The following MGMT variants were observed in gnomAD, a reference collection of about 807,000 sequenced individuals.
The protein encoded by MGMT is methylated-DNA--protein-cysteine methyltransferase.
In MGMT, 14 loss-of-function variants were observed where a neutral mutation model predicts 15.9. The observed-to-expected ratio is 0.88, with a 90% CI of 0.58 to 1.37. The LOEUF (loss-of-function observed/expected upper bound fraction) is 1.37, where lower values mean the gene tolerates loss of function less well. MGMT is among the 40% of genes most tolerant of loss of function. The probability of loss-of-function intolerance (pLI) is 0.00; values close to 1 mark genes in which losing one functional copy is unlikely to be tolerated. For synonymous variants in MGMT, 130 were observed against 118.2 expected, an observed-to-expected ratio of 1.10 and a Z score of -0.65; for missense variants, 282 against 268.1, an observed-to-expected ratio of 1.05 and a Z score of -0.36.
intron 4 of MGMT, 149 bp downstream of exon 4, chr10:129,759,490 G>T: frequency 1.6e-6 from 2 of 1,239,322 alleles, no homozygotes; most frequent in Admixed American, 2.2e-5. Context: ...CATTATGCCA[G>T]ATGCCTCCAG....
chr10:129,734,291 G>T (rs1848535541), intron 3 of MGMT, among the ~76,000 whole-genome samples: 1 of 138,394 alleles, frequency 7.2e-6, no homozygotes, highest in African/African-American at 2.5e-5. Flanking sequence ...TTGTAAGTTG[G>T]ATTCCTAGGT....
rs57984603 is a variant in MGMT at position 129,560,954 on chromosome 10, A to AGTGTGTGTGTGTGTGT, written c.125+24606_125+24621dup. Among the ~76,000 whole-genome samples, 242 of 133,296 alleles carry AGTGTGTGTGTGTGTGT rather than the reference A, an allele frequency of 1.8e-3. 2 individuals are homozygous for AGTGTGTGTGTGTGTGT. The highest frequency in any genetic ancestry group is 4.6e-3 in the Admixed American group (59 of 12,788). The allele number at this position is 133,296 out of a possible 152,430, so 87.4% of individuals were successfully genotyped here. The stretch of plus-strand genomic sequence containing the variant: ...TCTCCAGCTGAATTCAGTAAAGAGC[A>AGTGTGTGTGTGTGTGT]GTGTGTGTGTGTGTGTGTGTGTGTG... On this transcript the variant is annotated intron_variant, in intron 2 of 4. Transcript: ENST00000651593.
intron 2 of MGMT, among the ~76,000 whole-genome samples, chr10:129,541,564 C>T (rs79583699): frequency 8.7e-4 from 132 of 152,322 alleles, no homozygotes; most frequent in African/African-American, 2.9e-3. Flanking sequence ...CCGTATCACC[C>T]TGGGTCATAC....
At chr10:129,621,212 T>G (rs569189311) in intron 2 of MGMT, among the ~76,000 whole-genome samples, 28 of 152,374 alleles carry the variant, frequency 1.8e-4, no homozygotes, top group Admixed American at 1.6e-3. Context: ...TATTGTTAAC[T>G]TCTCATGATC....
intron 2 of MGMT, among the ~76,000 whole-genome samples, chr10:129,679,072 C>CAA (rs746058016): frequency 0.11 from 12,594 of 117,514 alleles, 792 homozygotes; most frequent in Admixed American, 0.21. Context: ...GACTCCATCT[C>CAA]AAAAAAAAAA....
intron 2 of MGMT, among the ~76,000 whole-genome samples, chr10:129,592,063 C>T (rs986400237): frequency 6.6e-6 from 1 of 152,238 alleles, no homozygotes; most frequent in South Asian, 2.1e-4. Flanking sequence ...TAAAGCACTT[C>T]TGCCATGGAC....
chr10:129,528,842 A>G (rs1260111025), intron 1 of MGMT, among the ~76,000 whole-genome samples: 1 of 152,224 alleles, frequency 6.6e-6, no homozygotes, highest in East Asian at 1.9e-4. Flanking sequence ...TAGAAAAAGT[A>G]TATGAAAACA....
chr10:129,680,844 C>T (rs987023483), intron 2 of MGMT, among the ~76,000 whole-genome samples: 20 of 152,086 alleles, frequency 1.3e-4, no homozygotes, highest in African/African-American at 4.6e-4. Flanking sequence ...GATGTGGGTG[C>T]CGGCCGTGTC....
chr10:129,673,403 C>A (rs1847748541), intron 2 of MGMT, among the ~76,000 whole-genome samples: 1 of 152,214 alleles, frequency 6.6e-6, no homozygotes, highest in Non-Finnish European at 1.5e-5. Context: ...CTGCAACAAG[C>A]AAAATTTTGT....
intron 2 of MGMT, among the ~76,000 whole-genome samples, chr10:129,681,839 T>C (rs1847856688): frequency 6.6e-6 from 1 of 152,170 alleles, no homozygotes; most frequent in South Asian, 2.1e-4. Flanking sequence ...AAATCCCATA[T>C]CTGACAGAGG....
intron 3 of MGMT, among the ~76,000 whole-genome samples, chr10:129,718,879 C>G (rs980220991): frequency 6.6e-6 from 1 of 151,698 alleles, no homozygotes; most frequent in Non-Finnish European, 1.5e-5. Context: ...ACCTTCTGCT[C>G]AGGCATGTCA....
At chr10:129,725,471 C>G (rs1242306778) in intron 3 of MGMT, among the ~76,000 whole-genome samples, 1 of 152,262 alleles carries the variant, frequency 6.6e-6, no homozygotes, top group African/African-American at 2.4e-5. Flanking sequence ...TGTCATGGAA[C>G]ATGGAGATTC....
chr10:129,766,850 C>T lies in MGMT; in HGVS notation c.477C>T (p.Ser159=), dbSNP rs201197934. The T allele has an allele frequency of 2.3e-4, 364 of 1,613,700 alleles. No homozygotes were observed. Among genetic ancestry groups the T allele is most frequent in the East Asian group, 4.0e-4 (18 of 44,874 alleles). ...GCAGCGGAGCCGTGGGCAACTACTC[C>T]GGAGGACTGGCCGTGAAGGAATGGC... ...VCSSGAVGNY[S]GGLAVKEWLL... Residue 159 remains serine, a synonymous_variant, in exon 5 of 5, where the codon TCC becomes TCT. Transcript: ENST00000651593.
chr10:129,758,887 T>TA (rs1848837070), intron 3 of MGMT, among the ~76,000 whole-genome samples: 2 of 152,182 alleles, frequency 1.3e-5, no homozygotes, highest in Non-Finnish European at 2.9e-5. Flanking sequence ...TGAGCTCACT[T>TA]ACACACGCCC....
intron 3 of MGMT, among the ~76,000 whole-genome samples, chr10:129,715,887 A>G (rs1281429609): frequency 2.0e-5 from 3 of 152,222 alleles, no homozygotes; most frequent in African/African-American, 7.2e-5. Flanking sequence ...TATAAGATTC[A>G]TGAGTCTCTG....
At chr10:129,516,380 A>G (rs1218281077) in intron 1 of MGMT, among the ~76,000 whole-genome samples, 1 of 152,102 alleles carries the variant, frequency 6.6e-6, no homozygotes, top group Non-Finnish European at 1.5e-5. Flanking sequence ...AGCAAGGAAG[A>G]GTTAGTGGGG....
At chr10:129,467,709 C>T (rs1252648478) in intron 1 of MGMT, among the ~76,000 whole-genome samples, 2 of 152,218 alleles carry the variant, frequency 1.3e-5, no homozygotes, top group African/African-American at 4.8e-5. Context: ...CATACTTAGG[C>T]AGAGTCCCAT....
rs1444086029 is a variant in MGMT at position 129,687,364 on chromosome 10, C to T, written c.126-20531C>T. ...GTATCACCCAAAGTTCTTTGTCTCACGACCAAGAAAGTTAAGGAGCGCCGA... is the reference window on the plus strand; with the variant it reads ...GTATCACCCAAAGTTCTTTGTCTCATGACCAAGAAAGTTAAGGAGCGCCGA... On this transcript the variant is annotated intron_variant, in intron 2 of 4. Coordinates refer to ENST00000651593, the MANE Select transcript of MGMT (RefSeq NM_002412.5). Among the ~76,000 whole-genome samples the T allele has an allele frequency of 6.1e-4, 92 of 150,410 alleles. No homozygotes were observed. In the Admixed American group the frequency reaches 6.1e-3, roughly 10 times the overall value.
intron 2 of MGMT, among the ~76,000 whole-genome samples, chr10:129,606,090 A>T (rs368735783): frequency 1.3e-5 from 2 of 152,226 alleles, no homozygotes; most frequent in African/African-American, 4.8e-5. Flanking sequence ...CGTAGTATTC[A>T]TAACAACTCA....
Sources: gnomAD v4.1 joint callset for allele counts (sites outside exome capture counted in the v4.1 genomes callset) on GRCh38, gnomAD v4.1.1 for gene constraint, MANE v1.5 for transcripts, NCBI Gene and HGNC (gene_info 2026-07-23, HGNC 2026-07-21) for gene names.